STARD7: variants seen among roughly 807,000 people sequenced by gnomAD.
STARD7 encodes the protein stAR-related lipid transfer protein 7, mitochondrial.
STARD7 carries 30 observed loss-of-function variants against 45.3 expected under a neutral mutation model. That is an observed-to-expected ratio of 0.66 (90% CI 0.50 to 0.90). The LOEUF is 0.90. Ranked by LOEUF, STARD7 falls within the 40% of genes least tolerant of loss-of-function variation. The pLI is 0.00. For synonymous variants in STARD7, 199 were observed against 183.0 expected (o/e 1.09, Z -0.70); for missense variants, 495 against 491.3 (o/e 1.01, Z -0.07).
rs547339709 is a variant in STARD7 at position 96,202,583 on chromosome 2, C to A, written c.290+5562G>T. On this transcript the variant is annotated intron_variant, in intron 1 of 7. Transcript: ENST00000337288. ...AGGCACCATAGGGCATCGATTACAGCATTTTTGAGGTCTATAAAGCATCCT... is the reference window on the plus strand; with the variant it reads ...AGGCACCATAGGGCATCGATTACAGAATTTTTGAGGTCTATAAAGCATCCT... Among the ~76,000 whole-genome samples the A allele has an allele frequency of 3.3e-4, 50 of 152,174 alleles. 1 individual carries two copies. The highest frequency in any genetic ancestry group is 8.5e-4 in the Admixed American group (13 of 15,286).
intron 1 of STARD7, among the ~76,000 whole-genome samples, chr2:96,206,336 A>G (rs930156664): frequency 6.6e-6 from 1 of 151,578 alleles, no homozygotes; most frequent in Non-Finnish European, 1.5e-5. Context: ...TTCAACTCCC[A>G]CCCCCAAACT....
chr2:96,193,205 C>T (rs114773469), intron 4 of STARD7, 37 bp downstream of exon 4: 22,519 of 1,600,980 alleles, frequency 0.014, 183 homozygotes, highest in Middle Eastern at 0.03. Flanking sequence ...ATCACACAAA[C>T]CTGGACAGAA....
intron 1 of STARD7, 47 bp downstream of exon 1, chr2:96,208,098 A>G: frequency 6.7e-7 from 1 of 1,482,820 alleles, no homozygotes; most frequent in Non-Finnish European, 9.0e-7. Context: ...CAGGGTTCAC[A>G]AGCCCCCCCA....
intron 7 of STARD7, 113 bp downstream of exon 7, chr2:96,187,104 G>T: frequency 1.3e-6 from 1 of 749,890 alleles, no homozygotes; most frequent in African/African-American, 2.1e-5. Flanking sequence ...CTCTGTCTCA[G>T]AAAAAAAAAA....
Position 96,192,413 on chromosome 2 carries a change from A to G in STARD7, c.799T>C (p.Tyr267His), listed in dbSNP as rs1281640886. The G allele has an allele frequency of 6.2e-7, 1 of 1,613,966 alleles. No homozygotes were observed. Among genetic ancestry groups the G allele is most frequent in the Non-Finnish European group, 8.5e-7 (1 of 1,179,854 alleles). The change falls in exon 6 of 8, where the codon TAT becomes CAT. Residue 267 changes from tyrosine (Y) to histidine (H), a missense_variant. This residue lies in a region of STARD7 where 213 missense variants were observed against 271.2 expected (regional missense o/e 0.79). Coordinates refer to ENST00000337288, the MANE Select transcript of STARD7 (RefSeq NM_020151.4). ...ESPEFVRVRS[Y>H]ESQMVIRPHK... ...GGACGGATAACCATTTGGGATTCAT[A>G]TGATCTGACCCTGACGAATTCTGGA...
At chr2:96,188,389 C>A (rs891756916) in intron 6 of STARD7, among the ~76,000 whole-genome samples, 4 of 146,286 alleles carry the variant, frequency 2.7e-5, no homozygotes, top group African/African-American at 5.0e-5. Flanking sequence ...GATTCTCCTG[C>A]CTCAGCCTCC....
chr2:96,194,865 G>T, intron 3 of STARD7, 93 bp downstream of exon 3: 1 of 1,057,272 alleles, frequency 9.5e-7, no homozygotes, highest in Non-Finnish European at 1.4e-6. Flanking sequence ...ATGTACTTAA[G>T]CCAATGTCAC....
chr2:96,197,021 G>A (rs1250341212), intron 1 of STARD7, among the ~76,000 whole-genome samples: 4 of 146,796 alleles, frequency 2.7e-5, no homozygotes, highest in African/African-American at 1.0e-4. Context: ...AGCCAAGATC[G>A]TGCCATTGCA....
chr2:96,198,593 G>C (rs1683259354), intron 1 of STARD7, among the ~76,000 whole-genome samples: 1 of 152,074 alleles, frequency 6.6e-6, no homozygotes, highest in South Asian at 2.1e-4. Flanking sequence ...CAACTTAGTG[G>C]GTGTGAAATG....
intron 1 of STARD7, among the ~76,000 whole-genome samples, chr2:96,202,056 T>A (rs576724690): frequency 6.6e-6 from 1 of 152,144 alleles, no homozygotes; most frequent in Non-Finnish European, 1.5e-5. Flanking sequence ...ATGAAAATAT[T>A]TATATAGGGG....
chr2:96,192,335 T>G, intron 6 of STARD7, 34 bp downstream of exon 6: 4 of 1,487,182 alleles, frequency 2.7e-6, no homozygotes, highest in Non-Finnish European at 3.8e-6. Flanking sequence ...TCCACAGCCA[T>G]GACATGTTAT....
rs1683453726 is a variant in STARD7 at position 96,208,720 on chromosome 2, G to T, written c.-286C>A. ...CCAGTCAGCCCTGTGGCTCCTCGGC[G>T]ACCTCCAGCGGGCGCCCGGGGCCGG... On this transcript the variant is annotated 5_prime_UTR_variant, in exon 1 of 8. Coordinates refer to ENST00000337288, the MANE Select transcript of STARD7 (RefSeq NM_020151.4). 1 of 409,278 alleles carries T rather than the reference G, an allele frequency of 2.4e-6. No individual in the cohort carries two copies. 25.4% of individuals were successfully genotyped at this position (409,278 alleles called of 1,614,324 possible). A position where few individuals can be genotyped will look rare whatever the true frequency, so the allele number is the denominator to read the frequency against.
At chr2:96,207,293 G>A (rs754180043) in intron 1 of STARD7, among the ~76,000 whole-genome samples, 1 of 152,232 alleles carries the variant, frequency 6.6e-6, no homozygotes, top group Non-Finnish European at 1.5e-5. Context: ...AGGCGAGTGT[G>A]GAATCTGCGG....
rs999675309 is a variant in STARD7, at chr2:96,208,385, C to G, written c.50G>C (p.Gly17Ala). Residue 17 changes from glycine (G) to alanine (A), a missense_variant, in exon 1 of 8, where the codon GGG (glycine) becomes GCG (alanine). Gly to Ala is a moderately conservative substitution (Grantham distance 60). Around this residue, in one of 2 missense-constraint regions of STARD7, gnomAD observed 282 missense variants for 220.1 expected, o/e 1.28. Coordinates refer to ENST00000337288, the MANE Select transcript of STARD7 (RefSeq NM_020151.4). Reference sequence around the variant, plus strand: ...ATTGGCCAGAAGCGCCAGCAGGCCCCCGCCCCGCGTCCCCGCCAGCCAGGC... The same window carrying G: ...ATTGGCCAGAAGCGCCAGCAGGCCCGCGCCCCGCGTCCCCGCCAGCCAGGC... ...LAAWLAGTRG[G>A]GLLALLANQC... The G allele has an allele frequency of 2.7e-6, 4 of 1,485,184 alleles. No individual in the cohort carries two copies. Among genetic ancestry groups the G allele is most frequent in the Admixed American group, 2.5e-5 (1 of 40,494 alleles). The allele number at this position is 1,485,184 out of a possible 1,614,324, so 92.0% of individuals were successfully genotyped here. A position where few individuals can be genotyped will look rare whatever the true frequency, so the allele number is the denominator to read the frequency against.
At chr2:96,189,906 G>A (rs1256233423) in intron 6 of STARD7, among the ~76,000 whole-genome samples, 1 of 152,020 alleles carries the variant, frequency 6.6e-6, no homozygotes, top group Non-Finnish European at 1.5e-5. Flanking sequence ...AAAGATAGAA[G>A]ATAGAAATAA....
chr2:96,208,613 G>A lies in STARD7; in HGVS notation c.-179C>T. On this transcript the variant is annotated 5_prime_UTR_variant, in exon 1 of 8. Transcript: ENST00000337288. ...CCACCGCTGAGGAAGAGTCTCCTCT[G>A]AGGGGAGAGTCGGTCATGGCAGCAG... 1.9e-6 allele frequency: 1 copy of A among 513,406 alleles called. No homozygotes were observed. Among genetic ancestry groups the A allele is most frequent in the Non-Finnish European group, 3.3e-6 (1 of 305,848 alleles). The allele number at this position is 513,406 out of a possible 1,614,324, so 31.8% of individuals were successfully genotyped here. A position where few individuals can be genotyped will look rare whatever the true frequency, so the allele number is the denominator to read the frequency against.
At position 96,193,364 on chromosome 2, in the gene STARD7, GA is replaced by G; in HGVS notation, c.550-13del. The G allele has an allele frequency of 6.3e-7, 1 of 1,577,430 alleles. No homozygotes were observed. The highest frequency in any genetic ancestry group is 8.7e-7 in the Non-Finnish European group (1 of 1,146,830). ...TACTCTGTGTCCAGCTGCAGAAAGA[GA>G]AAAGACCATGAATACCCAAGAAGAC... On this transcript the variant is annotated splice_polypyrimidine_tract_variant and intron_variant, in intron 3 of 7. Coordinates refer to ENST00000337288, the MANE Select transcript of STARD7 (RefSeq NM_020151.4).
intron 6 of STARD7, among the ~76,000 whole-genome samples, chr2:96,190,335 C>CTTTTTTTT (rs1253428303): frequency 1.5e-5 from 2 of 131,726 alleles, no homozygotes; most frequent in Non-Finnish European, 1.6e-5. Context: ...AAGTCTGTGT[C>CTTTTTTTT]TTTTTTTTTT....
rs372480439 is a variant in STARD7 at position 96,208,264 on chromosome 2, G to A, written c.171C>T (p.Leu57=). 6.8e-6 allele frequency: 11 copies of A among 1,611,744 alleles called. No homozygotes were observed. The highest frequency in any genetic ancestry group is 1.7e-4 in the Middle Eastern group (1 of 5,722). ...GCAGCCGGCGCCAGAGGCGGCCGAG[G>A]AGAACGCGGCGTGAGCTCTCGGAGT... ...RLYSESSRRV[L]LGRLWRRLHG... The change falls in exon 1 of 8, where the codon CTC becomes CTT. Residue 57 remains leucine (L), a synonymous_variant. Coordinates refer to ENST00000337288, the MANE Select transcript of STARD7 (RefSeq NM_020151.4).
Sources: gnomAD v4.1 joint callset for allele counts (sites outside exome capture counted in the v4.1 genomes callset) on GRCh38, gnomAD v4.1.1 for gene constraint, gnomAD v4.1.1 regional missense constraint, MANE v1.5 for transcripts, NCBI Gene and HGNC (gene_info 2026-07-23, HGNC 2026-07-21) for gene names.